Variants in PMP22 observed in about 807,000 individuals in gnomAD.
PMP22 encodes the protein Charcot-Marie-Tooth neuropathy 1A (greatly reduced nerve conduction velocity, hereditary motor sensory neuropathy Ia).
A neutral mutation model predicts 18.9 loss-of-function variants in PMP22; 2 were observed. The ratio of observed to expected loss-of-function variants is 0.11; its 90% CI spans 0.04 to 0.33. The LOEUF (loss-of-function observed/expected upper bound fraction) is 0.33, where lower values mean the gene tolerates loss of function less well. Among genes scored for constraint, PMP22 ranks in the 10% least tolerant of loss-of-function variants. The pLI, the probability that PMP22 is intolerant of heterozygous loss-of-function variation, is 1.00. For synonymous variants in PMP22, 95 were observed against 89.2 expected (o/e 1.07, Z -0.37); for missense variants, 169 against 202.2 (o/e 0.84, Z 1.00).
Position 15,239,495 on chromosome 17 carries a change from T to C in PMP22, c.295A>G (p.Thr99Ala). ...CCAGCAAGAATTTGGAAGATTCCAGTGATGTAAAACCTGCCCCCCTTGGTG... is the reference window on the plus strand; with the variant it reads ...CCAGCAAGAATTTGGAAGATTCCAGCGATGTAAAACCTGCCCCCCTTGGTG... ...TLTKGGRFYI[T>A]GIFQILAGLC... The change falls in exon 4 of 5, where the codon ACT becomes GCT. Residue 99 changes from threonine (T) to alanine (A), a missense_variant. Transcript: ENST00000312280. 6.2e-7 allele frequency: 1 copy of C among 1,614,136 alleles called. No homozygotes were observed. The highest frequency in any genetic ancestry group is 1.1e-5 in the South Asian group (1 of 91,082).
chr17:15,261,890 G>T lies in PMP22; in HGVS notation c.-34-1129C>A, dbSNP rs1485781905. On this transcript the variant is annotated intron_variant, in intron 1 of 4. Transcript: ENST00000312280. This position sits in a 1 kb window ranked among gnomAD's most constrained non-coding sequence, Gnocchi z 5.2. ...GGGGACCATTTTAGGCAGAGTCTTG[G>T]GCCAGGGAGACAACGTTTCAATAAC... is the stretch of plus-strand genomic sequence containing the variant. 6.6e-6 allele frequency: 1 copy of T among 152,174 alleles called. No individual in the cohort carries two copies. Among genetic ancestry groups the T allele is most frequent in the African/African-American group, 2.4e-5 (1 of 41,438 alleles). 9.4% of individuals were successfully genotyped at this position (152,174 alleles called of 1,614,324 possible).
chr17:15,234,135 T>C (rs531232208), intron 4 of PMP22, among the ~76,000 whole-genome samples: 1 of 152,140 alleles, frequency 6.6e-6, no homozygotes, highest in Non-Finnish European at 1.5e-5. Context: ...GCGTAATGCC[T>C]ACGGAGGATG....
Position 15,231,142 on chromosome 17 carries a change from G to A in PMP22, c.320-62C>T, listed in dbSNP as rs561334550. The A allele has an allele frequency of 5.1e-5, 77 of 1,519,552 alleles. No individual in the cohort carries two copies. The African/African-American group carries it at 8.3e-4, about 16-fold the overall frequency. The allele number at this position is 1,519,552 out of a possible 1,614,324, so 94.1% of individuals were successfully genotyped here. On this transcript the variant is annotated intron_variant, in intron 4 of 4. Coordinates refer to ENST00000312280, the MANE Select transcript of PMP22 (RefSeq NM_000304.4). ...TCCATGGCAGAGCGGCCCCCTCTCC[G>A]CCACCCCGGATGCTGACAATTGCTG...
At chr17:15,242,250 T>A (rs1270436915) in intron 3 of PMP22, among the ~76,000 whole-genome samples, 10 of 45,364 alleles carry the variant, frequency 2.2e-4, no homozygotes, top group Admixed American at 1.0e-3. Context: ...AGACTCTGTC[T>A]CAAAAAAAAA....
intron 3 of PMP22, among the ~76,000 whole-genome samples, chr17:15,257,036 C>T (rs1908897176): frequency 6.6e-6 from 1 of 152,122 alleles, no homozygotes; most frequent in South Asian, 2.1e-4. Context: ...ATTGTGAGAG[C>T]TGAGAAGGGA....
Position 15,259,209 on chromosome 17 carries a change from T to C in PMP22, c.79-16A>G, listed in dbSNP as rs373417110. On this transcript the variant is annotated splice_polypyrimidine_tract_variant and intron_variant, in intron 2 of 4. Coordinates refer to ENST00000312280, the MANE Select transcript of PMP22 (RefSeq NM_000304.4). The stretch of plus-strand genomic sequence containing the variant: ...CGATCCATTGCTAGAGAGAATCAGA[T>C]AGATATCCTGAGTCAGGGAGGGAGG... 3.1e-6 allele frequency: 5 copies of C among 1,591,516 alleles called. No individual in the cohort carries two copies. The highest frequency in any genetic ancestry group is 3.3e-5 in the Admixed American group (2 of 59,926).
At chr17:15,244,665 G>T (rs1440750653) in intron 3 of PMP22, among the ~76,000 whole-genome samples, 1 of 152,180 alleles carries the variant, frequency 6.6e-6, no homozygotes, top group Non-Finnish European at 1.5e-5. Context: ...ACAATGAAAA[G>T]AGTAAGGTGC....
intron 3 of PMP22, among the ~76,000 whole-genome samples, chr17:15,243,480 A>G (rs905991024): frequency 6.6e-6 from 1 of 151,838 alleles, no homozygotes; most frequent in Non-Finnish European, 1.5e-5. Context: ...AGTAAACACA[A>G]CAGCAACTAA....
At chr17:15,264,063 T>C (rs750455001) in intron 1 of PMP22, among the ~76,000 whole-genome samples, 3 of 151,900 alleles carry the variant, frequency 2.0e-5, no homozygotes, top group Non-Finnish European at 4.4e-5. Flanking sequence ...GGAGACAATA[T>C]GTACAAAGCA....
intron 4 of PMP22, 40 bp downstream of exon 4, chr17:15,239,431 G>A (rs1907093514): frequency 6.2e-6 from 10 of 1,611,390 alleles, no homozygotes; most frequent in Non-Finnish European, 8.5e-6. Flanking sequence ...AGACTTGGAT[G>A]CACCCCGCTT....
At chr17:15,260,129 G>A (rs181919402) in intron 2 of PMP22, among the ~76,000 whole-genome samples, 18 of 152,162 alleles carry the variant, frequency 1.2e-4, no homozygotes, top group Admixed American at 3.9e-4. Flanking sequence ...TACTCTGATG[G>A]CCTGTTCCTA....
At chr17:15,234,037 G>A (rs1281672466) in intron 4 of PMP22, among the ~76,000 whole-genome samples, 3 of 152,182 alleles carry the variant, frequency 2.0e-5, no homozygotes, top group Non-Finnish European at 4.4e-5. Flanking sequence ...ATGGATTCAG[G>A]GGCAGGGACA....
intron 3 of PMP22, among the ~76,000 whole-genome samples, chr17:15,250,695 A>C (rs1908261425): frequency 1.3e-5 from 2 of 152,170 alleles, no homozygotes; most frequent in South Asian, 4.1e-4. Context: ...AAACCCTGTC[A>C]TGAGACCTGT....
chr17:15,254,685 T>C (rs1908666888), intron 3 of PMP22, among the ~76,000 whole-genome samples: 1 of 152,114 alleles, frequency 6.6e-6, no homozygotes, highest in Non-Finnish European at 1.5e-5. Flanking sequence ...TGGCCAGGCA[T>C]GGTGGCTCAC....
intron 3 of PMP22, among the ~76,000 whole-genome samples, chr17:15,253,450 T>G (rs1323765923): frequency 6.6e-6 from 1 of 152,186 alleles, no homozygotes; most frequent in Non-Finnish European, 1.5e-5. Flanking sequence ...GATGCATTTC[T>G]ACCTTGTACA....
At chr17:15,238,659 C>CAAGATAT (rs1907012865) in intron 4 of PMP22, among the ~76,000 whole-genome samples, 1 of 152,000 alleles carries the variant, frequency 6.6e-6, no homozygotes, top group African/African-American at 2.4e-5. Context: ...AGGCAGAATG[C>CAAGATAT]AAGATGTAAG....
At chr17:15,260,614 C>T in intron 2 of PMP22, 36 bp downstream of exon 2, 1 of 1,526,812 alleles carries the variant, frequency 6.5e-7, no homozygotes, top group Non-Finnish European at 8.9e-7. Context: ...TGGGGAAGGG[C>T]GGGCCGCGCA....
rs56857955 is a variant in PMP22 at position 15,242,231 on chromosome 17, C to T, written c.179-2620G>A. Among the ~76,000 whole-genome samples the T allele has an allele frequency of 1.2e-4, 14 of 117,724 alleles. No homozygotes were observed. The South Asian group carries it at 3.5e-3, about 29-fold the overall frequency. 77.2% of individuals were successfully genotyped at this position (117,724 alleles called of 152,430 possible). ...TCACACCACTGCACTCCAGCCTGGGCACAGAGAGAGACTCTGTCTCAAAAA... is the reference window on the plus strand; with the variant it reads ...TCACACCACTGCACTCCAGCCTGGGTACAGAGAGAGACTCTGTCTCAAAAA... On this transcript the variant is annotated intron_variant, in intron 3 of 4. Coordinates refer to ENST00000312280, the MANE Select transcript of PMP22 (RefSeq NM_000304.4).
At chr17:15,248,537 C>G (rs1297542366) in intron 3 of PMP22, among the ~76,000 whole-genome samples, 1 of 152,150 alleles carries the variant, frequency 6.6e-6, no homozygotes, top group African/African-American at 2.4e-5. Flanking sequence ...TTTTGGACTT[C>G]TAAAGGGAAT....
Sources: allele counts gnomAD v4.1 joint callset (sites outside exome capture counted in the v4.1 genomes callset), GRCh38; gene constraint gnomAD v4.1.1; non-coding constraint Gnocchi (gnomAD v3.1); transcripts MANE v1.5; gene names NCBI Gene and HGNC (gene_info 2026-07-23, HGNC 2026-07-21).